The following ZNF254 variants were observed in gnomAD, a reference collection of about 807,000 sequenced individuals.
The protein encoded by ZNF254 is CTD-2017D11.1.
A neutral mutation model predicts 12.4 loss-of-function variants in ZNF254; 10 were observed. The observed-to-expected ratio is 0.80, with a 90% CI of 0.50 to 1.36. The LOEUF (loss-of-function observed/expected upper bound fraction) is 1.36. Among genes scored for constraint, ZNF254 ranks in the 40% most tolerant of loss-of-function variants. The pLI is 0.00. For missense variants in ZNF254, 996 were observed against 763.9 expected (o/e 1.30, Z -3.58); for synonymous variants, 305 against 253.4 (o/e 1.20, Z -1.93).
At chr19:24,066,436 T>G (rs1971271303) in intron 2 of ZNF254, 1 of 152,098 alleles carries the variant, frequency 6.6e-6, no homozygotes, top group Non-Finnish European at 1.5e-5. Flanking sequence ...CCTGCACTGA[T>G]AATTTGTGAC....
chr19:24,084,059 G>A (rs1971941231), upstream of ZNF254, among the ~76,000 whole-genome samples: 1 of 151,140 alleles, frequency 6.6e-6, no homozygotes, highest in South Asian at 2.1e-4. Flanking sequence ...AGCACAATTT[G>A]CAATTGCAAA....
chr19:24,115,257 A>C (rs1973964528), intron 3 of ZNF254, among the ~76,000 whole-genome samples: 2 of 152,068 alleles, frequency 1.3e-5, no homozygotes, highest in South Asian at 4.1e-4. Context: ...TCACAATAGC[A>C]AAGACTTGGA....
At chr19:24,125,703 T>C (rs887552998) in intron 3 of ZNF254, among the ~76,000 whole-genome samples, 5 of 152,246 alleles carry the variant, frequency 3.3e-5, no homozygotes. Flanking sequence ...TTGCTACACC[T>C]TTTCCATTTC....
chr19:24,058,079 T>C (rs575604262), intron 2 of ZNF254, among the ~76,000 whole-genome samples: 1 of 152,292 alleles, frequency 6.6e-6, no homozygotes, highest in East Asian at 1.9e-4. Flanking sequence ...AAAAAAGACA[T>C]TAACATATCT....
At chr19:24,085,668 A>C (rs1401456907), upstream of ZNF254, among the ~76,000 whole-genome samples, 2 of 151,750 alleles carry the variant, frequency 1.3e-5, no homozygotes, top group Admixed American at 6.6e-5. Flanking sequence ...GCTACTCCAG[A>C]GGCTGAGGCT....
At chr19:24,099,749 A>T (rs1276354849) in intron 1 of ZNF254, among the ~76,000 whole-genome samples, 1 of 152,134 alleles carries the variant, frequency 6.6e-6, no homozygotes. Flanking sequence ...TGAACTAATT[A>T]TGGTAACTGT....
chr19:24,051,687 C>T (rs938490558), intron 2 of ZNF254, among the ~76,000 whole-genome samples: 1 of 152,146 alleles, frequency 6.6e-6, no homozygotes, highest in Non-Finnish European at 1.5e-5. Flanking sequence ...TGCAACTCTC[C>T]TGCATGGGCC....
intron 2 of ZNF254, among the ~76,000 whole-genome samples, chr19:24,051,306 C>T (rs1259173587): frequency 2.0e-5 from 3 of 152,120 alleles, no homozygotes; most frequent in African/African-American, 4.8e-5. Context: ...TACAGGTACA[C>T]ATGCCACCAC....
chr19:24,126,430 C>G lies in ZNF254; in HGVS notation c.430C>G (p.Gln144Glu). ...CAAAGAAGGTTATAATGGACTTAACCAGTGTTTCACAACTGCCCAGAGCAA... is the reference window on the plus strand; with the variant it reads ...CAAAGAAGGTTATAATGGACTTAACGAGTGTTTCACAACTGCCCAGAGCAA... ...VNKEGYNGLN[Q>E]CFTTAQSKVF... The change falls in exon 4 of 4, where the codon CAG becomes GAG. Residue 144 changes from glutamine (Q) to glutamate (E), a missense_variant. Coordinates refer to ENST00000357002, the MANE Select transcript of ZNF254 (RefSeq NM_203282.4). 1 of 1,598,862 alleles carries G rather than the reference C, an allele frequency of 6.3e-7. No homozygotes were observed. The highest frequency in any genetic ancestry group is 8.5e-7 in the Non-Finnish European group (1 of 1,175,554).
At chr19:24,111,462 C>A (rs1192586057) in intron 3 of ZNF254, among the ~76,000 whole-genome samples, 2 of 151,774 alleles carry the variant, frequency 1.3e-5, no homozygotes, top group Non-Finnish European at 2.9e-5. Context: ...CTTTGGGTAT[C>A]TACCCAGTAA....
chr19:24,037,357 T>G (rs11085662), intron 1 of ZNF254, among the ~76,000 whole-genome samples: 73,708 of 152,068 alleles, frequency 0.48, 18,955 homozygotes, highest in African/African-American at 0.67. Context: ...AGAAATACAG[T>G]CTTCATCCTT....
rs540732767 is a variant in ZNF254 at position 24,127,487 on chromosome 19, G to A, written c.1487G>A (p.Gly496Asp). ...AAACCCTACAAATGTGAAGAATGTG[G>A]CAAATCTTTTAGCCAATCCTCAACC... ...GEKPYKCEEC[G>D]KSFSQSSTLT... Residue 496 changes from glycine to aspartate, a missense_variant, in exon 4 of 4, where the codon GGC (glycine) becomes GAC (aspartate). Gly to Asp is a moderately conservative substitution (Grantham distance 94, BLOSUM62 -1). Coordinates refer to ENST00000357002, the MANE Select transcript of ZNF254 (RefSeq NM_203282.4). 3.7e-6 allele frequency: 6 copies of A among 1,613,268 alleles called. No homozygotes were observed. Among genetic ancestry groups the A allele is most frequent in the South Asian group, 2.2e-5 (2 of 91,048 alleles).
intron 1 of ZNF254, 57 bp downstream of exon 1, chr19:24,087,394 G>A (rs1052259631): frequency 2.5e-6 from 4 of 1,610,602 alleles, no homozygotes; most frequent in Non-Finnish European, 3.4e-6. Flanking sequence ...GGAACTGGTG[G>A]GAAGCGGCTG....
At chr19:24,064,512 A>C (rs920060285) in intron 2 of ZNF254, 2 of 151,736 alleles carry the variant, frequency 1.3e-5, no homozygotes, top group Non-Finnish European at 2.9e-5. Flanking sequence ...ACCTGCATGC[A>C]ATATGTGTTT....
chr19:24,036,496 G>T (rs979223980), intron 1 of ZNF254, among the ~76,000 whole-genome samples: 1 of 152,170 alleles, frequency 6.6e-6, no homozygotes, highest in African/African-American at 2.4e-5. Context: ...ATCTGCAGTG[G>T]TGGCAGTGTT....
intron 2 of ZNF254, among the ~76,000 whole-genome samples, chr19:24,073,124 C>A (rs1400834258): frequency 6.6e-6 from 1 of 152,192 alleles, no homozygotes; most frequent in African/African-American, 2.4e-5. Context: ...AGAGTGTCAT[C>A]ACAAGACCAA....
intron 1 of ZNF254, among the ~76,000 whole-genome samples, chr19:24,092,171 C>CT (rs753116371): frequency 1.6e-3 from 226 of 140,210 alleles, no homozygotes; most frequent in African/African-American, 1.6e-3. Context: ...TGTGCCTGGC[C>CT]TTTTTTTTTT....
intron 2 of ZNF254, chr19:24,079,193 G>C (rs1209464867): frequency 6.6e-6 from 1 of 152,124 alleles, no homozygotes; most frequent in African/African-American, 2.4e-5. Context: ...AGAAATAGAA[G>C]AAAAAGAGTT....
intron 2 of ZNF254, among the ~76,000 whole-genome samples, chr19:24,067,597 T>G (rs1005136464): frequency 1.3e-5 from 2 of 152,094 alleles, no homozygotes; most frequent in African/African-American, 4.8e-5. Flanking sequence ...ATTAAATATT[T>G]CTGGGTCTTT....
Sources: allele counts gnomAD v4.1 joint callset (sites outside exome capture counted in the v4.1 genomes callset), GRCh38; gene constraint gnomAD v4.1.1; transcripts MANE v1.5; gene names NCBI Gene and HGNC (gene_info 2026-07-23, HGNC 2026-07-21).